The following PIP4K2A variants were observed in gnomAD, a reference collection of about 807,000 sequenced individuals.
The protein encoded by PIP4K2A is phosphatidylinositol 5-phosphate 4-kinase type-2 alpha.
PIP4K2A carries 14 observed loss-of-function variants against 42.9 expected under a neutral mutation model. That is an observed-to-expected ratio of 0.33 (90% CI 0.22 to 0.51). The LOEUF (loss-of-function observed/expected upper bound fraction) is 0.51, where lower values mean the gene tolerates loss of function less well. Among genes scored for constraint, PIP4K2A ranks in the 20% least tolerant of loss-of-function variants. PIP4K2A has a pLI of 0.97. For synonymous variants in PIP4K2A, 192 were observed against 192.2 expected (o/e 1.00, Z 0.01); for missense variants, 434 against 519.8 (o/e 0.83, Z 1.61).
intron 1 of PIP4K2A, among the ~76,000 whole-genome samples, chr10:22,664,076 CGTATATATATATACAT>C (rs1839268898): frequency 3.6e-5 from 2 of 54,848 alleles, no homozygotes; most frequent in African/African-American, 1.8e-4. Flanking sequence ...TATATATATA[CGTATATATATATACAT>C]ATATATATAT....
At chr10:22,638,024 C>T (rs937998900) in intron 1 of PIP4K2A, among the ~76,000 whole-genome samples, 1 of 152,108 alleles carries the variant, frequency 6.6e-6, no homozygotes, top group African/African-American at 2.4e-5. Context: ...GCAATTCGAT[C>T]GGCTAATTCT....
chr10:22,568,435 T>C (rs1276345762), intron 5 of PIP4K2A, among the ~76,000 whole-genome samples: 1 of 152,226 alleles, frequency 6.6e-6, no homozygotes, highest in Non-Finnish European at 1.5e-5. Flanking sequence ...CACTCTTTCC[T>C]TGCTTGCTAT....
chr10:22,636,543 C>T (rs1838666763), intron 1 of PIP4K2A, among the ~76,000 whole-genome samples: 1 of 152,188 alleles, frequency 6.6e-6, no homozygotes, highest in Non-Finnish European at 1.5e-5. Flanking sequence ...GGATTATAGG[C>T]ATGAGCTGCC....
intron 1 of PIP4K2A, among the ~76,000 whole-genome samples, chr10:22,677,101 T>C (rs2130870962): frequency 6.6e-6 from 1 of 152,316 alleles, no homozygotes; most frequent in East Asian, 1.9e-4. Flanking sequence ...GAATTTCATA[T>C]CAAGTTATTA....
intron 1 of PIP4K2A, among the ~76,000 whole-genome samples, chr10:22,689,500 T>C (rs564906149): frequency 3.5e-4 from 53 of 152,316 alleles, no homozygotes; most frequent in African/African-American, 1.2e-3. Flanking sequence ...ACTATGTACA[T>C]AGCACTTACA....
chr10:22,687,744 A>G (rs1588707926), intron 1 of PIP4K2A, among the ~76,000 whole-genome samples: 1 of 152,246 alleles, frequency 6.6e-6, no homozygotes, highest in East Asian at 1.9e-4. Flanking sequence ...CATTTCTATA[A>G]TCCCAAATAT....
intron 3 of PIP4K2A, among the ~76,000 whole-genome samples, chr10:22,604,939 G>A (rs1837874751): frequency 6.6e-6 from 1 of 152,210 alleles, no homozygotes; most frequent in South Asian, 2.1e-4. Context: ...AATCCCTGCA[G>A]TATACAGGGG....
At position 22,714,209 on chromosome 10, in the gene PIP4K2A, C is replaced by T; in HGVS notation, c.118G>A (p.Val40Ile). 6.2e-7 allele frequency: 1 copy of T among 1,611,592 alleles called. No homozygotes were observed. The change falls in exon 1 of 10, where the codon GTC becomes ATC. Residue 40 changes from valine to isoleucine, a missense_variant. Val to Ile is a conservative substitution (Grantham distance 29). Around this residue, in one of 2 missense-constraint regions of PIP4K2A, gnomAD observed 395 missense variants for 444.5 expected, o/e 0.89. Transcript: ENST00000376573. Reference sequence around the variant, plus strand: ...GAGTGGTTTACCCCCCACATGAGGACGCTGAGCAGCGGGTCGCTGGCCCGA... The same window carrying T: ...GAGTGGTTTACCCCCCACATGAGGATGCTGAGCAGCGGGTCGCTGGCCCGA... ...LFRASDPLLS[V>I]LMWGVNHSIN...
At chr10:22,698,392 G>A (rs1430087963) in intron 1 of PIP4K2A, among the ~76,000 whole-genome samples, 3 of 152,120 alleles carry the variant, frequency 2.0e-5, no homozygotes, top group African/African-American at 7.2e-5. Flanking sequence ...AAAGCAACTT[G>A]GCAACATGTA....
intron 2 of PIP4K2A, among the ~76,000 whole-genome samples, chr10:22,609,076 G>A (rs192385432): frequency 3.9e-5 from 6 of 152,308 alleles, no homozygotes; most frequent in Admixed American, 2.0e-4. Flanking sequence ...TGAGCCCCTT[G>A]AGGGCAGGGC....
chr10:22,570,887 C>T (rs904042782), intron 5 of PIP4K2A, among the ~76,000 whole-genome samples: 9 of 151,702 alleles, frequency 5.9e-5, no homozygotes, highest in Admixed American at 2.0e-4. Flanking sequence ...AGAAACCCAG[C>T]GTCATTTCAG....
At chr10:22,577,078 A>G (rs941390409) in intron 4 of PIP4K2A, among the ~76,000 whole-genome samples, 9 of 3,688 alleles carry the variant, frequency 2.4e-3, no homozygotes, top group African/African-American at 3.3e-3. Context: ...CTCCTGTCTC[A>G]AAAAAAAAAA....
At chr10:22,660,752 T>A (rs1839190811) in intron 1 of PIP4K2A, among the ~76,000 whole-genome samples, 1 of 151,764 alleles carries the variant, frequency 6.6e-6, no homozygotes. Flanking sequence ...CCTAACTCTA[T>A]GACATCAATA....
intron 9 of PIP4K2A, among the ~76,000 whole-genome samples, chr10:22,539,045 T>C (rs1047613128): frequency 6.6e-6 from 1 of 152,130 alleles, no homozygotes; most frequent in Non-Finnish European, 1.5e-5. Context: ...TTCATCTGTG[T>C]GGGGTGGGCT....
rs572503290 is a variant in PIP4K2A at position 22,544,031 on chromosome 10, G to C, written c.793-1984C>G. On this transcript the variant is annotated intron_variant, in intron 7 of 9. Transcript: ENST00000376573. Reference sequence around the variant, plus strand: ...AGCCTGTACTCTCTGCTCTCTATCAGCTACCTCTGGAGGCTGCCTTAAAGC... The same window carrying C: ...AGCCTGTACTCTCTGCTCTCTATCACCTACCTCTGGAGGCTGCCTTAAAGC... Among the ~76,000 whole-genome samples the C allele has an allele frequency of 8.5e-5, 13 of 152,306 alleles. 1 individual carries two copies. The highest frequency in any genetic ancestry group is 4.1e-4 in the South Asian group (2 of 4,828).
intron 1 of PIP4K2A, among the ~76,000 whole-genome samples, chr10:22,664,877 A>T (rs1287023353): frequency 6.6e-6 from 1 of 152,140 alleles, no homozygotes; most frequent in Non-Finnish European, 1.5e-5. Flanking sequence ...AATAACACAA[A>T]ATGGAAAACT....
intron 5 of PIP4K2A, among the ~76,000 whole-genome samples, chr10:22,568,531 C>T (rs1564424407): frequency 6.6e-6 from 1 of 152,150 alleles, no homozygotes; most frequent in South Asian, 2.1e-4. Flanking sequence ...CTCTTTTGTG[C>T]CAGGCCCTAT....
chr10:22,584,948 C>T (rs1325485892), intron 4 of PIP4K2A, among the ~76,000 whole-genome samples: 1 of 152,102 alleles, frequency 6.6e-6, no homozygotes, highest in Non-Finnish European at 1.5e-5. Context: ...CAGGAGCTGC[C>T]CTGTCACTCA....
intron 6 of PIP4K2A, among the ~76,000 whole-genome samples, chr10:22,553,789 CTTTT>C (rs3074629): frequency 3.0e-3 from 359 of 118,512 alleles, no homozygotes; most frequent in South Asian, 8.7e-3. Context: ...GGTTGAAAAA[CTTTT>C]TTTTTTTTTT....
Sources: allele counts gnomAD v4.1 joint callset (sites outside exome capture counted in the v4.1 genomes callset), GRCh38; gene constraint gnomAD v4.1.1; regional missense constraint gnomAD v4.1.1; transcripts MANE v1.5; gene names NCBI Gene and HGNC (gene_info 2026-07-23, HGNC 2026-07-21).